The following BORA variants were observed in gnomAD, a reference collection of about 807,000 sequenced individuals.
BORA encodes the protein protein aurora borealis.
In BORA, 26 loss-of-function variants were observed where a neutral mutation model predicts 55.8. The ratio of observed to expected loss-of-function variants is 0.47; its 90% CI spans 0.34 to 0.65. The LOEUF is 0.65. BORA is among the 30% of genes least tolerant of loss of function. The probability of loss-of-function intolerance (pLI) is 0.01; values close to 1 mark genes in which losing one functional copy is unlikely to be tolerated. For synonymous variants in BORA, 201 were observed against 216.9 expected, an observed-to-expected ratio of 0.93 and a Z score of 0.64; for missense variants, 568 against 671.5, an observed-to-expected ratio of 0.85 and a Z score of 1.70.
intron 4 of BORA, among the ~76,000 whole-genome samples, chr13:72,736,436 C>G (rs1240730294): frequency 1.3e-5 from 2 of 152,028 alleles, no homozygotes; most frequent in African/African-American, 4.8e-5. Flanking sequence ...AGCATATGTC[C>G]TTAAAATATT....
chr13:72,735,075 G>C, intron 4 of BORA, 70 bp downstream of exon 4: 1 of 1,254,534 alleles, frequency 8.0e-7, no homozygotes, highest in Non-Finnish European at 1.2e-6. Context: ...CTTCTTTTAG[G>C]AAGACTTTCT....
intron 8 of BORA, 27 bp downstream of exon 8, chr13:72,745,234 G>A: frequency 6.4e-7 from 1 of 1,571,050 alleles, no homozygotes; most frequent in South Asian, 1.1e-5. Context: ...AAAGCAGTTG[G>A]CTAATATGCT....
chr13:72,753,775 C>T lies in BORA; in HGVS notation c.1568C>T (p.Ala523Val). The T allele has an allele frequency of 6.2e-7, 1 of 1,613,280 alleles. No individual in the cohort carries two copies. Among genetic ancestry groups the T allele is most frequent in the African/African-American group, 1.3e-5 (1 of 74,972 alleles). Residue 523 changes from alanine to valine, a missense_variant, in exon 11 of 12, where the codon GCA becomes GTA. Physicochemically the swap from Ala to Val is moderately conservative, Grantham distance 64 (BLOSUM62 0). Transcript: ENST00000390667. ...GAAAGTTACTGCAAAGAAAGTGATG[C>T]ACAAACATGTGAAGTTGAGAGTAAA... ...GAESYCKESD[A>V]QTCEVESKSQ...
In BORA at chr13:72,753,861, T is replaced by A. The variant is rs948915480; in HGVS notation, c.1614+40T>A. On this transcript the variant is annotated intron_variant, in intron 11 of 11. Coordinates refer to ENST00000390667, the MANE Select transcript of BORA (RefSeq NM_024808.5). ...TAGTGAAAGCTTAATATTGTTTAGA[T>A]TAGAAATATAAAATAATTTTGATTA... is the stretch of plus-strand genomic sequence containing the variant. 1.4e-5 allele frequency: 22 copies of A among 1,536,234 alleles called. No individual in the cohort carries two copies. In the East Asian group the frequency reaches 4.5e-4, roughly 31 times the overall value.
Position 72,755,605 on chromosome 13 carries a change from T to A in BORA, c.*389T>A, listed in dbSNP as rs1308163191. ...TTAAAACTGAAGGCACTATATATTTTTACATAAAAGCTTGAACATACAGAT... is the reference window on the plus strand; with the variant it reads ...TTAAAACTGAAGGCACTATATATTTATACATAAAAGCTTGAACATACAGAT... On this transcript the variant is annotated 3_prime_UTR_variant, in exon 12 of 12. Transcript: ENST00000390667. 1.1e-5 allele frequency: 4 copies of A among 348,214 alleles called. No individual in the cohort carries two copies. The highest frequency in any genetic ancestry group is 1.0e-5 in the Non-Finnish European group (2 of 196,154). The allele number at this position is 348,214 out of a possible 1,614,324, so 21.6% of individuals were successfully genotyped here.
intron 1 of BORA, 138 bp downstream of exon 1, chr13:72,728,145 C>A: frequency 8.1e-7 from 1 of 1,235,758 alleles, no homozygotes. Context: ...GAGAGGGGCA[C>A]CAGAAAGAGT....
chr13:72,746,225 C>A (rs1449343198), intron 9 of BORA, 149 bp downstream of exon 9: 1 of 874,534 alleles, frequency 1.1e-6, no homozygotes, highest in Non-Finnish European at 1.7e-6. Flanking sequence ...AATAAAAGAA[C>A]AGTTTACCTT....
At position 72,745,121 on chromosome 13, in the gene BORA, A is replaced by AGTG. The variant is rs1319794521; in HGVS notation, c.656_658dup (p.Gly219dup). On this transcript the variant is annotated inframe_insertion, in exon 8 of 12. Transcript: ENST00000390667. Reference sequence around the variant, plus strand: ...TTCGGCTTCTCCCGGAAGTCCTCACAGTGGTGTTCAAACATCACTAGAGAT... The same window carrying AGTG: ...TTCGGCTTCTCCCGGAAGTCCTCACAGTGGTGGTGTTCAAACATCACTAGAGAT... 1 of 1,614,052 alleles carries AGTG rather than the reference A, an allele frequency of 6.2e-7. No homozygotes were observed. The highest frequency in any genetic ancestry group is 2.2e-5 in the East Asian group (1 of 44,894).
At chr13:72,728,332 G>A in intron 1 of BORA, 1 of 609,514 alleles carries the variant, frequency 1.6e-6, no homozygotes, top group Non-Finnish European at 2.9e-6. Context: ...GGGTGGAGGG[G>A]AGGTCTTGGC....
chr13:72,738,433 T>C (rs1278920801), intron 5 of BORA, among the ~76,000 whole-genome samples: 1 of 152,142 alleles, frequency 6.6e-6, no homozygotes, highest in East Asian at 1.9e-4. Context: ...TGATTTCTTA[T>C]AAAGGTAAAG....
intron 8 of BORA, 121 bp downstream of exon 8, chr13:72,745,328 A>G (rs1593815541): frequency 1.3e-6 from 1 of 789,436 alleles, no homozygotes; most frequent in Admixed American, 2.8e-5. Flanking sequence ...GTCTCTAGTA[A>G]ATAAGTGGAA....
chr13:72,744,436 A>G (rs1014547492), intron 6 of BORA, 69 bp from the exon 7 acceptor site: 1 of 1,326,452 alleles, frequency 7.5e-7, no homozygotes, highest in Non-Finnish European at 1.1e-6. Context: ...CACATGCTGA[A>G]TTGTATAGTG....
chr13:72,743,677 G>T, intron 6 of BORA, 75 bp downstream of exon 6: 8 of 1,056,416 alleles, frequency 7.6e-6, no homozygotes, highest in Non-Finnish European at 9.7e-6. Flanking sequence ...AGTTCAGGTA[G>T]TAACACTTTA....
chr13:72,743,598 C>T lies in BORA; in HGVS notation c.450C>T (p.Ser150=), dbSNP rs533455567. ...AGCTGACCATTCATTCTGAGAAAAGCGATGGTGAGTATGAACACAATTTGA... is the reference window on the plus strand; with the variant it reads ...AGCTGACCATTCATTCTGAGAAAAGTGATGGTGAGTATGAACACAATTTGA... The part of the protein sequence containing the change: ...GKKLTIHSEK[S]DAACQTLLSL... The change falls in exon 6 of 12, where the codon AGC becomes AGT. Residue 150 remains serine, a synonymous_variant. Coordinates refer to ENST00000390667, the MANE Select transcript of BORA (RefSeq NM_024808.5). 227 of 1,598,418 alleles carry T rather than the reference C, an allele frequency of 1.4e-4. 1 individual carries two copies. In the East Asian group the frequency reaches 4.0e-3, roughly 28 times the overall value.
intron 6 of BORA, 126 bp downstream of exon 6, chr13:72,743,728 A>G (rs199764576): frequency 2.6e-5 from 19 of 736,730 alleles, no homozygotes; most frequent in Non-Finnish European, 3.5e-5. Flanking sequence ...TTTTTAATTT[A>G]TTTTTGTTTT....
intron 4 of BORA, among the ~76,000 whole-genome samples, chr13:72,736,749 T>G (rs901192870): frequency 6.6e-6 from 1 of 152,174 alleles, no homozygotes; most frequent in Non-Finnish European, 1.5e-5. Context: ...ATTGCCCTCC[T>G]AAAAGGTTAT....
At position 72,743,456 on chromosome 13, in the gene BORA, A is replaced by G. The variant is rs1354849127; in HGVS notation, c.389-81A>G. 3 of 970,558 alleles carry G rather than the reference A, an allele frequency of 3.1e-6. No individual in the cohort carries two copies. In the East Asian group the frequency reaches 8.5e-5, roughly 27 times the overall value. 60.1% of individuals were successfully genotyped at this position (970,558 alleles called of 1,614,324 possible). ...TTGCAAAATAAGTTTCCACTTTCTTAATTTTTTACTTTGGAAAAAGTAATG... is the reference window on the plus strand; with the variant it reads ...TTGCAAAATAAGTTTCCACTTTCTTGATTTTTTACTTTGGAAAAAGTAATG... On this transcript the variant is annotated intron_variant, in intron 5 of 11. Transcript: ENST00000390667.
chr13:72,730,251 G>A (rs1327494506), intron 2 of BORA, among the ~76,000 whole-genome samples: 1 of 152,204 alleles, frequency 6.6e-6, no homozygotes, highest in Non-Finnish European at 1.5e-5. Context: ...TGTACTAGTG[G>A]AAGGTCGAGC....
rs1041927589 is a variant in BORA, at chr13:72,746,541, T to C, written c.912T>C (p.Ser304=). 8.1e-6 allele frequency: 13 copies of C among 1,613,526 alleles called. No homozygotes were observed. Among genetic ancestry groups the C allele is most frequent in the African/African-American group, 4.0e-5 (3 of 74,920 alleles). ...KFTVHSPDAS[S]GTNSNGITNP... is the part of the protein sequence containing the mutation. ...CTGTTCATTCTCCTGATGCTTCATC[T>C]GGAACAAATTCTAATGGGATAACTA... Residue 304 remains serine, a synonymous_variant, in exon 10 of 12, where the codon TCT becomes TCC. Transcript: ENST00000390667.
Sources: gnomAD v4.1 joint callset for allele counts (sites outside exome capture counted in the v4.1 genomes callset) on GRCh38, gnomAD v4.1.1 for gene constraint, MANE v1.5 for transcripts, NCBI Gene and HGNC (gene_info 2026-07-23, HGNC 2026-07-21) for gene names.